The following DPH6 variants were observed in gnomAD, a reference collection of about 807,000 sequenced individuals.
DPH6 encodes diphthamine biosynthesis 6.
DPH6 carries 33 observed loss-of-function variants against 38.2 expected under a neutral mutation model. The observed-to-expected ratio is 0.86, with a 90% CI of 0.65 to 1.15. DPH6 has a LOEUF of 1.15. Ranked by LOEUF, DPH6 falls within the 50% of genes most tolerant of loss-of-function variation. The pLI is 0.00. For synonymous variants in DPH6, 108 were observed against 103.0 expected, an observed-to-expected ratio of 1.05 and a Z score of -0.30; for missense variants, 325 against 320.0, an observed-to-expected ratio of 1.02 and a Z score of -0.12.
chr15:35,179,204 C>CAAAAAAAAA, the DPH6 span, among the ~76,000 whole-genome samples: 65 of 50,498 alleles, frequency 1.3e-3, no homozygotes, highest in Non-Finnish European at 1.7e-3. Context: ...ACAACTCTGT[C>CAAAAAAAAA]AAAAAAAAAA....
chr15:35,162,409 C>A, the DPH6 span, among the ~76,000 whole-genome samples: 1 of 151,814 alleles, frequency 6.6e-6, no homozygotes, highest in African/African-American at 2.4e-5. Context: ...TGTTTATTTT[C>A]TCTGTTCTAG....
intron 3 of DPH6, among the ~76,000 whole-genome samples, chr15:35,303,694 TAAA>T (rs879731153): frequency 2.1e-5 from 3 of 141,876 alleles, no homozygotes; most frequent in Admixed American, 7.1e-5. Flanking sequence ...GCTCTGGAGT[TAAA>T]AAAAAAAAAG....
At chr15:35,363,419 C>A (rs73376761) in intron 3 of DPH6, among the ~76,000 whole-genome samples, 3,336 of 152,128 alleles carry the variant, frequency 0.022, 52 homozygotes, top group African/African-American at 0.043. Context: ...ATTTTGTCTT[C>A]TATTAAAAGA....
downstream of DPH6, among the ~76,000 whole-genome samples, chr15:35,330,346 C>A (rs1388673114): frequency 6.6e-6 from 1 of 152,112 alleles, no homozygotes; most frequent in Non-Finnish European, 1.5e-5. Context: ...CCTGAATAAA[C>A]ATTCTTTATT....
rs572881284 is a variant in DPH6 at position 35,240,580 on chromosome 15, C to G, written n.201-19998G>C. On this transcript the variant is annotated intron_variant and non_coding_transcript_variant, in intron 3 of 3. Transcript: ENST00000560386. ...TTTCATTCTGTGACTAGCCCTCCCC[C>G]ACCTGCCCAGCAATTTACTCTTAAA... Among the ~76,000 whole-genome samples, 4 of 143,646 alleles carry G rather than the reference C, an allele frequency of 2.8e-5. 1 individual carries two copies. The highest frequency in any genetic ancestry group is 7.6e-5 in the African/African-American group (3 of 39,576). 94.2% of individuals were successfully genotyped at this position (143,646 alleles called of 152,430 possible). A position where few individuals can be genotyped will look rare whatever the true frequency, so the allele number is the denominator to read the frequency against.
intron 2 of DPH6, among the ~76,000 whole-genome samples, chr15:35,541,724 G>A (rs1436050500): frequency 6.6e-6 from 1 of 152,132 alleles, no homozygotes; most frequent in Non-Finnish European, 1.5e-5. Context: ...GTTAATATCT[G>A]TAGTTTCATA....
intron 3 of DPH6, chr15:35,237,588 C>T (rs774389647): frequency 5.7e-6 from 9 of 1,586,292 alleles, no homozygotes; most frequent in African/African-American, 4.1e-5. Flanking sequence ...GAAAAGTGTC[C>T]GAACCTCACG....
intron 3 of DPH6, among the ~76,000 whole-genome samples, chr15:35,311,552 A>C (rs2052142029): frequency 6.6e-6 from 1 of 152,184 alleles, no homozygotes; most frequent in African/African-American, 2.4e-5. Flanking sequence ...CAAGTTTAGA[A>C]ATTTACGTTC....
At chr15:35,471,256 T>G (rs2054195463) in intron 3 of DPH6, among the ~76,000 whole-genome samples, 1 of 152,190 alleles carries the variant, frequency 6.6e-6, no homozygotes, top group African/African-American at 2.4e-5. Context: ...ACAGGTAACA[T>G]AAGACTCTCT....
chr15:35,308,605 C>T (rs926360827), intron 3 of DPH6, among the ~76,000 whole-genome samples: 1 of 152,028 alleles, frequency 6.6e-6, no homozygotes, highest in East Asian at 1.9e-4. Context: ...ACAATTCCTA[C>T]CGAAATGAGT....
intron 3 of DPH6, among the ~76,000 whole-genome samples, chr15:35,224,641 T>C (rs188026187): frequency 1.3e-5 from 2 of 152,302 alleles, no homozygotes; most frequent in East Asian, 3.9e-4. Flanking sequence ...TGTATAAAAC[T>C]GCTAAACTGT....
chr15:35,244,913 G>A (rs1196371873), intron 3 of DPH6, among the ~76,000 whole-genome samples: 1 of 152,182 alleles, frequency 6.6e-6, no homozygotes, highest in African/African-American at 2.4e-5. Flanking sequence ...GATTTAACTA[G>A]ATGGCTTTGA....
chr15:35,429,865 T>C (rs953694296), intron 5 of DPH6, among the ~76,000 whole-genome samples: 1 of 152,168 alleles, frequency 6.6e-6, no homozygotes, highest in Non-Finnish European at 1.5e-5. Flanking sequence ...TCTTAGCTGT[T>C]ACTTTGGTGT....
intron 3 of DPH6, among the ~76,000 whole-genome samples, chr15:35,511,032 C>T (rs985227360): frequency 1.3e-5 from 2 of 152,134 alleles, no homozygotes; most frequent in Non-Finnish European, 1.5e-5. Flanking sequence ...AACCTGACTA[C>T]TCAAAATGCA....
intron 3 of DPH6, among the ~76,000 whole-genome samples, chr15:35,342,521 A>G (rs2052429898): frequency 6.6e-6 from 1 of 152,078 alleles, no homozygotes. Context: ...CAATGCAAGA[A>G]CCTGGATATT....
chr15:35,483,104 C>G (rs2054348622), intron 3 of DPH6, among the ~76,000 whole-genome samples: 1 of 151,858 alleles, frequency 6.6e-6, no homozygotes, highest in African/African-American at 2.4e-5. Flanking sequence ...CCAAAAAATA[C>G]AGATGAATGG....
intron 6 of DPH6, among the ~76,000 whole-genome samples, chr15:35,387,415 C>T (rs1191378496): frequency 1.3e-5 from 2 of 152,126 alleles, no homozygotes; most frequent in Non-Finnish European, 2.9e-5. Context: ...GGCATTGAAT[C>T]TATAAATTAC....
chr15:35,331,509 T>A (rs2140861756), intron 3 of DPH6, among the ~76,000 whole-genome samples: 1 of 152,284 alleles, frequency 6.6e-6, no homozygotes. Context: ...GAACACTGGG[T>A]GCTATAAGTT....
chr15:35,317,523 C>A (rs1041109197), intron 3 of DPH6, among the ~76,000 whole-genome samples: 4 of 141,998 alleles, frequency 2.8e-5, no homozygotes, highest in Non-Finnish European at 4.5e-5. Flanking sequence ...TCCAGACTAA[C>A]AAAAGCATGT....
Sources: allele counts gnomAD v4.1 joint callset (sites outside exome capture counted in the v4.1 genomes callset), GRCh38; gene constraint gnomAD v4.1.1; transcripts MANE v1.5; gene names NCBI Gene and HGNC (gene_info 2026-07-23, HGNC 2026-07-21).